DCHS2: variants seen among roughly 807,000 people sequenced by gnomAD.
DCHS2 encodes protocadherin-23.
A neutral mutation model predicts 182.4 loss-of-function variants in DCHS2; 142 were observed. The observed-to-expected ratio is 0.78, with a 90% CI of 0.68 to 0.89. DCHS2 has a LOEUF of 0.89. Among genes scored for constraint, DCHS2 ranks in the 40% least tolerant of loss-of-function variants. The pLI is 0.00. For missense variants in DCHS2, 4,319 were observed against 4,198.6 expected, an observed-to-expected ratio of 1.03 and a Z score of -0.79; for synonymous variants, 1,740 against 1,663.3, an observed-to-expected ratio of 1.05 and a Z score of -1.12.
At chr4:154,329,485 A>G in intron 6 of DCHS2, 38 bp downstream of exon 6, 1 of 1,578,444 alleles carries the variant, frequency 6.3e-7, no homozygotes, top group Non-Finnish European at 8.7e-7. Flanking sequence ...CAAATGACTT[A>G]AGATATTACA....
At chr4:154,428,262 C>T (rs896303744) in intron 1 of DCHS2, among the ~76,000 whole-genome samples, 1 of 152,110 alleles carries the variant, frequency 6.6e-6, no homozygotes, top group East Asian at 1.9e-4. Flanking sequence ...AAACACTGGC[C>T]AGGCAGAATG....
chr4:154,329,700 G>T lies in DCHS2; in HGVS notation c.3741C>A (p.Ile1247=). ...FKMNPNTGEL[I]NWVALDREHR... Reference sequence around the variant, plus strand: ...GCTCACGATCCAGTGCCACCCAATTGATTAACTCTCCTGCAGAGTACAGAG... The same window carrying T: ...GCTCACGATCCAGTGCCACCCAATTTATTAACTCTCCTGCAGAGTACAGAG... Residue 1247 remains isoleucine, a synonymous_variant, in exon 6 of 20, where the codon ATC becomes ATA. Coordinates refer to ENST00000357232, the MANE Select transcript of DCHS2 (RefSeq NM_001358235.2). 6.2e-7 allele frequency: 1 copy of T among 1,611,856 alleles called. No homozygotes were observed. Among genetic ancestry groups the T allele is most frequent in the Non-Finnish European group, 8.5e-7 (1 of 1,179,758 alleles).
chr4:154,415,029 T>C (rs1219132543), intron 1 of DCHS2, among the ~76,000 whole-genome samples: 1 of 152,190 alleles, frequency 6.6e-6, no homozygotes, highest in African/African-American at 2.4e-5. Flanking sequence ...TTCACCCCTG[T>C]AACATACTGT....
Position 154,235,397 on chromosome 4 carries a change from C to G in DCHS2, c.9255G>C (p.Leu3085=), listed in dbSNP as rs1444241671. The G allele has an allele frequency of 6.2e-7, 1 of 1,613,914 alleles. No individual in the cohort carries two copies. The highest frequency in any genetic ancestry group is 1.3e-5 in the African/African-American group (1 of 74,904). Residue 3085 remains leucine, a synonymous_variant, in exon 20 of 20, where the codon CTG becomes CTC. Transcript: ENST00000357232. ...GGCCACTGGAGTTTGAGTGTCTGTA[C>G]AGATTGACAATATCCTTCTCCATGA... The part of the protein sequence containing the change: ...ISIMEKDIVN[L]YRHSNSSGHC...
rs72723327 is a variant in DCHS2, at chr4:154,317,582, G to A, written c.5021-1595C>T. Among the ~76,000 whole-genome samples the A allele has an allele frequency of 3.2e-3, 480 of 152,208 alleles. 2 individuals carry two copies. Among genetic ancestry groups the A allele is most frequent in the Non-Finnish European group, 5.4e-3 (366 of 68,012 alleles). On this transcript the variant is annotated intron_variant, in intron 9 of 19. Transcript: ENST00000357232. ...TTTTAACTAACAGTTGGGCCAAATGGTGTATATCTGAGATTTTTTTCATTC... is the reference window on the plus strand; with the variant it reads ...TTTTAACTAACAGTTGGGCCAAATGATGTATATCTGAGATTTTTTTCATTC...
At chr4:154,338,188 C>T (rs548976243) in intron 3 of DCHS2, among the ~76,000 whole-genome samples, 81 of 152,196 alleles carry the variant, frequency 5.3e-4, no homozygotes, top group Middle Eastern at 3.4e-3. Flanking sequence ...ACTTAATTAC[C>T]GGTTTTTAAT....
intron 4 of DCHS2, 97 bp from the exon 5 acceptor site, chr4:154,333,591 T>A: frequency 2.6e-6 from 3 of 1,159,772 alleles, no homozygotes; most frequent in Non-Finnish European, 3.6e-6. Flanking sequence ...CACTGCCTAA[T>A]GACACTTCAG....
At chr4:154,378,694 C>T (rs529676322) in intron 1 of DCHS2, among the ~76,000 whole-genome samples, 2 of 152,260 alleles carry the variant, frequency 1.3e-5, no homozygotes, top group African/African-American at 4.8e-5. Context: ...GTTTATGTAA[C>T]GGGCCAAAGG....
intron 1 of DCHS2, among the ~76,000 whole-genome samples, chr4:154,438,904 A>G (rs1040089687): frequency 1.6e-4 from 25 of 152,220 alleles, no homozygotes; most frequent in African/African-American, 5.8e-4. Flanking sequence ...CAAAGGGGAC[A>G]TCTATAAAGA....
At chr4:154,369,313 CT>C (rs1157593959) in intron 2 of DCHS2, among the ~76,000 whole-genome samples, 1 of 152,206 alleles carries the variant, frequency 6.6e-6, no homozygotes, top group East Asian at 1.9e-4. Context: ...CTCACAGAGC[CT>C]TTTGCACATA....
intron 1 of DCHS2, chr4:154,486,355 A>G: frequency 7.9e-7 from 1 of 1,273,712 alleles, no homozygotes; most frequent in Non-Finnish European, 1.0e-6. Context: ...AGGACCCCAA[A>G]CATTGGGGAT....
chr4:154,483,485 C>T (rs1280327452), intron 1 of DCHS2, among the ~76,000 whole-genome samples: 1 of 152,050 alleles, frequency 6.6e-6, no homozygotes, highest in South Asian at 2.1e-4. Context: ...ACTGAAGAAA[C>T]ATGAGACCAA....
chr4:154,262,394 G>A (rs191865074), intron 14 of DCHS2, among the ~76,000 whole-genome samples: 1 of 152,262 alleles, frequency 6.6e-6, no homozygotes, highest in Admixed American at 6.5e-5. Flanking sequence ...GACATCAAGC[G>A]TGTACTGTCA....
Position 154,232,142 on chromosome 4 carries a change from G to A in DCHS2, c.*2394C>T, listed in dbSNP as rs1271765722. On this transcript the variant is annotated 3_prime_UTR_variant, in exon 20 of 20. Transcript: ENST00000357232. ...CCCCCTCCAGAGTGCTAAAGCCAGT[G>A]CATAGATCAGCAAAGTAACCCAGAA... The A allele has an allele frequency of 6.6e-6, 1 of 152,080 alleles. No individual in the cohort carries two copies. Among genetic ancestry groups the A allele is most frequent in the Non-Finnish European group, 1.5e-5 (1 of 67,998 alleles). The allele number at this position is 152,080 out of a possible 1,614,324, so 9.4% of individuals were successfully genotyped here.
At chr4:154,376,070 G>C (rs1044547941) in intron 2 of DCHS2, among the ~76,000 whole-genome samples, 1 of 152,058 alleles carries the variant, frequency 6.6e-6, no homozygotes, top group Non-Finnish European at 1.5e-5. Context: ...AAAAAGGCAG[G>C]GATGGGGGCA....
At chr4:154,464,912 T>C (rs1560775017) in intron 1 of DCHS2, among the ~76,000 whole-genome samples, 1 of 152,152 alleles carries the variant, frequency 6.6e-6, no homozygotes, top group Non-Finnish European at 1.5e-5. Flanking sequence ...ATTATTGCAA[T>C]ATTTGAGACT....
chr4:154,428,882 C>A (rs1321057859), intron 1 of DCHS2, among the ~76,000 whole-genome samples: 2 of 151,472 alleles, frequency 1.3e-5, no homozygotes, highest in Non-Finnish European at 1.5e-5. Flanking sequence ...CAGCCTGGGC[C>A]CTGGGTGACA....
Position 154,490,632 on chromosome 4 carries a change from G to T in DCHS2, c.724C>A (p.Pro242Thr), listed in dbSNP as rs2111059149. The change falls in exon 1 of 20, where the codon CCC (proline) becomes ACC (threonine). Residue 242 changes from proline (P) to threonine (T), a missense_variant. Pro to Thr is a conservative substitution (Grantham distance 38). Transcript: ENST00000357232. ...PSPLLPGSSSPLEPLDLVLLR... is the reference protein window; with the variant it reads ...PSPLLPGSSSTLEPLDLVLLR... ...AGCACCAGATCTAGAGGCTCCAGGGGTGACGAGGAGCCTGGCAAAAGCGGT... is the reference window on the plus strand; with the variant it reads ...AGCACCAGATCTAGAGGCTCCAGGGTTGACGAGGAGCCTGGCAAAAGCGGT... 1 of 1,550,718 alleles carries T rather than the reference G, an allele frequency of 6.4e-7. No individual in the cohort carries two copies. The highest frequency in any genetic ancestry group is 2.4e-5 in the East Asian group (1 of 40,902).
chr4:154,406,351 T>C (rs1186095247), intron 1 of DCHS2, among the ~76,000 whole-genome samples: 1 of 152,226 alleles, frequency 6.6e-6, no homozygotes, highest in Non-Finnish European at 1.5e-5. Flanking sequence ...TTTGCTGCAA[T>C]TAGAAAGGCG....
Sources: allele counts gnomAD v4.1 joint callset (sites outside exome capture counted in the v4.1 genomes callset), GRCh38; gene constraint gnomAD v4.1.1; transcripts MANE v1.5; gene names NCBI Gene and HGNC (gene_info 2026-07-23, HGNC 2026-07-21).